Variants in RP1 observed in about 807,000 individuals in gnomAD.
RP1 encodes the protein oxygen-regulated protein 1.
Under a neutral mutation model 14.8 loss-of-function variants are expected in RP1, and 16 were observed. That is an observed-to-expected ratio of 1.08 (90% CI 0.73 to 1.65). The LOEUF (loss-of-function observed/expected upper bound fraction) is 1.65. Among genes scored for constraint, RP1 ranks in the 40% most tolerant of loss-of-function variants. RP1 has a pLI of 0.00. For synonymous variants in RP1, 876 were observed against 883.6 expected (o/e 0.99, Z 0.15); for missense variants, 2,631 against 2,535.0 (o/e 1.04, Z -0.81).
At chr8:54,721,608 A>G (rs992973103) in intron 16 of RP1, among the ~76,000 whole-genome samples, 2 of 152,244 alleles carry the variant, frequency 1.3e-5, no homozygotes, top group African/African-American at 4.8e-5. Flanking sequence ...ACCTTAGGGT[A>G]TTAGTACTAA....
At chr8:54,688,196 T>C (rs551011669) in intron 12 of RP1, among the ~76,000 whole-genome samples, 5 of 152,356 alleles carry the variant, frequency 3.3e-5, no homozygotes, top group Non-Finnish European at 7.3e-5. Context: ...AAGTTCTTTG[T>C]AGATTCTGGA....
At chr8:54,568,804 G>A (rs370583647) in intron 1 of RP1, among the ~76,000 whole-genome samples, 45 of 152,300 alleles carry the variant, frequency 3.0e-4, no homozygotes, top group African/African-American at 9.4e-4. Context: ...GTCACCACAG[G>A]GGACAAAATC....
intron 13 of RP1, among the ~76,000 whole-genome samples, chr8:54,700,599 G>A (rs557162502): frequency 5.7e-4 from 86 of 152,154 alleles, no homozygotes; most frequent in African/African-American, 2.0e-3. Flanking sequence ...TATGGATATG[G>A]AATCTACTCC....
downstream of RP1, among the ~76,000 whole-genome samples, chr8:54,635,509 A>C (rs1237181787): frequency 6.6e-6 from 1 of 152,230 alleles, no homozygotes; most frequent in Non-Finnish European, 1.5e-5. Flanking sequence ...TGGGTGATAC[A>C]AAGCTAAACA....
chr8:54,685,335 A>G (rs1352007557), intron 12 of RP1, among the ~76,000 whole-genome samples: 1 of 152,150 alleles, frequency 6.6e-6, no homozygotes, highest in Non-Finnish European at 1.5e-5. Flanking sequence ...GCTGTGTCCC[A>G]GAGTTCTGGT....
At chr8:54,858,062 T>C (rs1233726783) in intron 27 of RP1, among the ~76,000 whole-genome samples, 1 of 152,220 alleles carries the variant, frequency 6.6e-6, no homozygotes, top group Non-Finnish European at 1.5e-5. Context: ...TAGTGTCTAG[T>C]ATTGTGCCTG....
Position 54,625,578 on chromosome 8 carries a change from T to G in RP1, c.1696T>G (p.Leu566Val), listed in dbSNP as rs1806018257. The G allele has an allele frequency of 1.9e-6, 3 of 1,613,990 alleles. No homozygotes were observed. In the South Asian group the frequency reaches 3.3e-5, roughly 18 times the overall value. ...KMLEMSHNNG[L>V]PSTISNNSIV... ...GTTAGAGATGTCACATAATAATGGT[T>G]TGCCATCAACTATATCAAATAACTC... Residue 566 changes from leucine to valine, a missense_variant, in exon 4 of 4, where the codon TTG becomes GTG. Physicochemically the swap from Leu to Val is conservative, Grantham distance 32. Coordinates refer to ENST00000220676, the MANE Select transcript of RP1 (RefSeq NM_006269.2).
At chr8:54,580,292 G>A (rs10105352) in intron 1 of RP1, among the ~76,000 whole-genome samples, 12 of 146,178 alleles carry the variant, frequency 8.2e-5, no homozygotes, top group African/African-American at 3.0e-4. Context: ...TAAATGTATC[G>A]TAGACTTCTT....
intron 12 of RP1, among the ~76,000 whole-genome samples, chr8:54,697,600 C>T (rs1380096016): frequency 6.6e-6 from 1 of 151,960 alleles, no homozygotes; most frequent in Admixed American, 6.6e-5. Flanking sequence ...ATGGCAAGCA[C>T]CTCTCATCAC....
chr8:54,609,700 C>T (rs1054132800), intron 1 of RP1, among the ~76,000 whole-genome samples: 2 of 152,142 alleles, frequency 1.3e-5, no homozygotes, highest in Non-Finnish European at 2.9e-5. Flanking sequence ...GATGGCCTCA[C>T]ATCCCAGGTC....
At chr8:54,805,657 A>T (rs574046323) in intron 24 of RP1, among the ~76,000 whole-genome samples, 74 of 152,032 alleles carry the variant, frequency 4.9e-4, no homozygotes, top group African/African-American at 1.6e-3. Flanking sequence ...ATTAGTTATA[A>T]CATCCTGGCG....
At chr8:54,666,592 A>G (rs1458101578) in intron 7 of RP1, among the ~76,000 whole-genome samples, 1 of 152,018 alleles carries the variant, frequency 6.6e-6, no homozygotes, top group African/African-American at 2.4e-5. Flanking sequence ...AGACATGGGA[A>G]GTACCCACAT....
chr8:54,706,479 A>G (rs1808152135), exon 15 of RP1: 2 of 1,535,812 alleles, frequency 1.3e-6, no homozygotes, highest in South Asian at 1.2e-5. Flanking sequence ...TCTGCTTGCT[A>G]CAAGCCTGTG....
At chr8:54,609,940 C>T (rs1377058539) in intron 1 of RP1, among the ~76,000 whole-genome samples, 3 of 152,196 alleles carry the variant, frequency 2.0e-5, no homozygotes, top group Non-Finnish European at 4.4e-5. Context: ...TATCAGCATA[C>T]ACGCATATTA....
At chr8:54,770,315 C>T, downstream of RP1, 1 of 393,020 alleles carries the variant, frequency 2.5e-6, no homozygotes, top group Non-Finnish European at 4.5e-6. Context: ...ACGGAATAAG[C>T]ATTATAGTTG....
At chr8:54,584,329 C>G (rs1407189944) in intron 1 of RP1, among the ~76,000 whole-genome samples, 3 of 152,190 alleles carry the variant, frequency 2.0e-5, no homozygotes, top group Admixed American at 1.3e-4. Flanking sequence ...GTTTCTTAAT[C>G]CTGAGTTCTA....
chr8:54,765,347 G>A lies in RP1; in HGVS notation c.3249-4394G>A, dbSNP rs115021620. ...TACTCAGAAAGTGTGTGCTAAATTA[G>A]TGAATTAGTTAGTAAATCATGAGCT... On this transcript the variant is annotated intron_variant, in intron 22 of 22. Transcript: ENST00000636932. Among the ~76,000 whole-genome samples, 217 of 152,334 alleles carry A rather than the reference G, an allele frequency of 1.4e-3. 1 individual carries two copies. The highest frequency in any genetic ancestry group is 5.0e-3 in the African/African-American group (207 of 41,588).
intron 3 of RP1, among the ~76,000 whole-genome samples, chr8:54,640,715 C>T (rs937223794): frequency 2.0e-5 from 3 of 152,160 alleles, no homozygotes; most frequent in Non-Finnish European, 4.4e-5. Context: ...ACCTTGGACA[C>T]TCAAATTGGT....
chr8:54,772,640 G>GA (rs947843934), downstream of RP1, among the ~76,000 whole-genome samples: 2 of 152,168 alleles, frequency 1.3e-5, no homozygotes, highest in Non-Finnish European at 2.9e-5. Context: ...CTTCACAGGT[G>GA]ATGAAACTAA....
Sources: allele counts gnomAD v4.1 joint callset (sites outside exome capture counted in the v4.1 genomes callset), GRCh38; gene constraint gnomAD v4.1.1; transcripts MANE v1.5; gene names NCBI Gene and HGNC (gene_info 2026-07-23, HGNC 2026-07-21).